Variants in SFXN1 observed in about 807,000 individuals in gnomAD.
SFXN1 encodes the protein sideroflexin-1.
In SFXN1, 32 loss-of-function variants were observed where a neutral mutation model predicts 39.5. The observed-to-expected ratio is 0.81, with a 90% CI of 0.61 to 1.09. The LOEUF (loss-of-function observed/expected upper bound fraction) is 1.09. SFXN1 is among the 50% of genes least tolerant of loss of function. The pLI is 0.00. For synonymous variants in SFXN1, 136 were observed against 146.5 expected (o/e 0.93, Z 0.52); for missense variants, 402 against 407.1 (o/e 0.99, Z 0.11).
intron 8 of SFXN1, among the ~76,000 whole-genome samples, chr5:175,517,296 GT>G (rs967711653): frequency 2.0e-5 from 3 of 152,104 alleles, no homozygotes; most frequent in Non-Finnish European, 4.4e-5. Flanking sequence ...TTAAGCTGTG[GT>G]TTTTTTAGCT....
chr5:175,478,813 G>GT (rs1414712970), intron 1 of SFXN1, 174 bp downstream of exon 1: 1 of 152,324 alleles, frequency 6.6e-6, no homozygotes, highest in South Asian at 2.1e-4. Context: ...CGGGCCGGGG[G>GT]GGGGGTCCCT....
intron 2 of SFXN1, among the ~76,000 whole-genome samples, chr5:175,508,698 T>C (rs2113328614): frequency 6.6e-6 from 1 of 152,146 alleles, no homozygotes; most frequent in South Asian, 2.1e-4. Flanking sequence ...AGTGCAATGG[T>C]GCGATCTTGG....
chr5:175,496,333 C>CA, intron 2 of SFXN1, among the ~76,000 whole-genome samples: 1 of 151,624 alleles, frequency 6.6e-6, no homozygotes, highest in Non-Finnish European at 1.5e-5. Flanking sequence ...GAGATCGCTC[C>CA]CTGCACTCCA....
chr5:175,494,527 C>T (rs900672137), intron 2 of SFXN1, among the ~76,000 whole-genome samples: 6 of 152,220 alleles, frequency 3.9e-5, no homozygotes, highest in African/African-American at 1.2e-4. Flanking sequence ...GTGGGTGGAT[C>T]GCCTGAGGTC....
At chr5:175,503,406 C>T (rs1049959921) in intron 2 of SFXN1, among the ~76,000 whole-genome samples, 2 of 152,166 alleles carry the variant, frequency 1.3e-5, no homozygotes. Flanking sequence ...CAACACATAG[C>T]ATCCAACCTT....
intron 2 of SFXN1, among the ~76,000 whole-genome samples, chr5:175,499,424 CT>C (rs1759989006): frequency 6.6e-6 from 1 of 152,120 alleles, no homozygotes. Flanking sequence ...CACAAAAATT[CT>C]TAACAGAATT....
At chr5:175,481,352 C>T (rs1307990358) in intron 1 of SFXN1, among the ~76,000 whole-genome samples, 5 of 152,160 alleles carry the variant, frequency 3.3e-5, no homozygotes, top group Non-Finnish European at 4.4e-5. Flanking sequence ...GATGGAGTCT[C>T]GCTCTGTTGC....
intron 7 of SFXN1, among the ~76,000 whole-genome samples, chr5:175,514,323 C>T (rs1249106256): frequency 1.3e-5 from 2 of 152,080 alleles, no homozygotes; most frequent in African/African-American, 2.4e-5. Context: ...TCAGGTTTCC[C>T]TATAGGGACT....
chr5:175,521,527 G>A (rs1760878676), intron 8 of SFXN1, among the ~76,000 whole-genome samples: 1 of 152,226 alleles, frequency 6.6e-6, no homozygotes, highest in Admixed American at 6.5e-5. Flanking sequence ...GGCTCTGCCT[G>A]TGGTTCCCCA....
At chr5:175,480,124 A>G (rs563030601) in intron 1 of SFXN1, among the ~76,000 whole-genome samples, 66 of 152,262 alleles carry the variant, frequency 4.3e-4, no homozygotes, top group Middle Eastern at 6.8e-3. Flanking sequence ...TGTTTGGGCC[A>G]GGCGCGGTGG....
chr5:175,504,573 C>CAA (rs531492337), intron 2 of SFXN1, among the ~76,000 whole-genome samples: 13 of 108,314 alleles, frequency 1.2e-4, no homozygotes, highest in African/African-American at 3.6e-4. Context: ...GACTCCATCT[C>CAA]AAAAAAAAAA....
At chr5:175,506,820 C>G (rs1245579774) in intron 2 of SFXN1, among the ~76,000 whole-genome samples, 2 of 152,176 alleles carry the variant, frequency 1.3e-5, no homozygotes, top group Non-Finnish European at 2.9e-5. Flanking sequence ...TTGCCTGACA[C>G]TGCACTGGCT....
At position 175,527,773 on chromosome 5, in the gene SFXN1, C is replaced by T. The variant is rs1042235592; in HGVS notation, c.*1039C>T. The T allele has an allele frequency of 9.2e-5, 14 of 152,152 alleles. No individual in the cohort carries two copies. Among genetic ancestry groups the T allele is most frequent in the African/African-American group, 3.1e-4 (13 of 41,420 alleles). The allele number at this position is 152,152 out of a possible 1,614,324, so 9.4% of individuals were successfully genotyped here. A position where few individuals can be genotyped will look rare whatever the true frequency, so the allele number is the denominator to read the frequency against. On this transcript the variant is annotated 3_prime_UTR_variant, in exon 11 of 11. Coordinates refer to ENST00000321442, the MANE Select transcript of SFXN1 (RefSeq NM_022754.7). ...TAATGAAACCATGTACCACTGTTTA[C>T]ATCATCTGTAGTGATTTCATAGATA... is the stretch of plus-strand genomic sequence containing the variant.
chr5:175,516,734 A>T lies in SFXN1; in HGVS notation c.774+71A>T, dbSNP rs573205733. The T allele has an allele frequency of 2.8e-5, 42 of 1,499,906 alleles. No individual in the cohort carries two copies. In the South Asian group the frequency reaches 4.9e-4, roughly 17 times the overall value. 92.9% of individuals were successfully genotyped at this position (1,499,906 alleles called of 1,614,324 possible). A position where few individuals can be genotyped will look rare whatever the true frequency, so the allele number is the denominator to read the frequency against. ...TTTCAGATTTCAAACCGTATAGATT[A>T]TTTGCTACCTAAACAGTAAAGAAGC... On this transcript the variant is annotated intron_variant, in intron 8 of 10. Coordinates refer to ENST00000321442, the MANE Select transcript of SFXN1 (RefSeq NM_022754.7).
chr5:175,504,358 T>G (rs1561664417), intron 2 of SFXN1, among the ~76,000 whole-genome samples: 1 of 151,920 alleles, frequency 6.6e-6, no homozygotes, highest in African/African-American at 2.4e-5. Flanking sequence ...GCAAATCACC[T>G]GAGGTCAGGA....
At chr5:175,494,314 A>C (rs964983594) in intron 2 of SFXN1, among the ~76,000 whole-genome samples, 4 of 152,224 alleles carry the variant, frequency 2.6e-5, no homozygotes, top group African/African-American at 7.2e-5. Context: ...AAAAAGGAAC[A>C]TGTCAGAAAG....
intron 5 of SFXN1, 140 bp from the exon 6 acceptor site, chr5:175,511,971 A>T: frequency 1.4e-6 from 1 of 733,222 alleles, no homozygotes; most frequent in Non-Finnish European, 2.2e-6. Flanking sequence ...TGCTAGGAAA[A>T]GTTTTGAAAG....
intron 3 of SFXN1, 82 bp from the exon 4 acceptor site, chr5:175,510,027 G>A: frequency 1.8e-6 from 2 of 1,102,744 alleles, no homozygotes; most frequent in Non-Finnish European, 2.7e-6. Context: ...TCTCCTCTCT[G>A]GTTACTGGTG....
chr5:175,515,539 C>T (rs1017026029), intron 7 of SFXN1, among the ~76,000 whole-genome samples: 7 of 152,128 alleles, frequency 4.6e-5, no homozygotes, highest in African/African-American at 2.4e-5. Flanking sequence ...AGCAAATGAA[C>T]GAATGCTGTC....
Sources: gnomAD v4.1 joint callset for allele counts (sites outside exome capture counted in the v4.1 genomes callset) on GRCh38, gnomAD v4.1.1 for gene constraint, MANE v1.5 for transcripts, NCBI Gene and HGNC (gene_info 2026-07-23, HGNC 2026-07-21) for gene names.